The following NECAB2 variants were observed in gnomAD, a reference collection of about 807,000 sequenced individuals.
NECAB2 encodes N-terminal EF-hand calcium binding protein 2, also known as N-terminal EF-hand calcium-binding protein 2.
Under a neutral mutation model 51.9 loss-of-function variants are expected in NECAB2, and 68 were observed. The observed-to-expected ratio is 1.31, with a 90% CI of 1.08 to 1.60. The LOEUF (loss-of-function observed/expected upper bound fraction) is 1.60, where lower values mean the gene tolerates loss of function less well. Ranked by LOEUF, NECAB2 falls within the 40% of genes most tolerant of loss-of-function variation. The pLI, the probability that NECAB2 is intolerant of heterozygous loss-of-function variation, is 0.00. For missense variants in NECAB2, 854 were observed against 490.3 expected, an observed-to-expected ratio of 1.74 and a Z score of -7.00; for synonymous variants, 329 against 203.5, an observed-to-expected ratio of 1.62 and a Z score of -5.25.
rs1314036080 is a variant in NECAB2 at position 83,991,352 on chromosome 16, C to CCTTTT, written c.596+738_596+742dup. 3.5e-5 allele frequency among the ~76,000 whole-genome samples: 5 copies of CCTTTT among 142,146 alleles called. No individual in the cohort carries two copies. The South Asian group carries it at 8.6e-4, about 24-fold the overall frequency. 93.3% of individuals were successfully genotyped at this position (142,146 alleles called of 152,430 possible). On this transcript the variant is annotated intron_variant, in intron 6 of 12. Coordinates refer to ENST00000305202, the MANE Select transcript of NECAB2 (RefSeq NM_019065.3). The stretch of plus-strand genomic sequence containing the variant: ...TTCGTTCTTTTTTCTTTTTCTATTT[C>CCTTTT]CTTTTCTTTTCTTTTCTTTTTTTTT...
At chr16:83,972,652 G>A (rs775153636) in intron 2 of NECAB2, among the ~76,000 whole-genome samples, 8 of 152,214 alleles carry the variant, frequency 5.3e-5, no homozygotes, top group Non-Finnish European at 1.0e-4. Flanking sequence ...GAGAGGTTAA[G>A]CAATTTGCCC....
At chr16:84,001,312 G>A (rs1377456172) in intron 11 of NECAB2, among the ~76,000 whole-genome samples, 1 of 151,922 alleles carries the variant, frequency 6.6e-6, no homozygotes, top group Admixed American at 6.5e-5. Flanking sequence ...TGATGCGCCA[G>A]ACCCCACAGG....
chr16:83,965,253 C>G (rs556056734), upstream of NECAB2: 1 of 1,611,294 alleles, frequency 6.2e-7, no homozygotes, highest in Admixed American at 1.7e-5. Flanking sequence ...GGCTTCCTGA[C>G]CAGGAACCAG....
upstream of NECAB2, among the ~76,000 whole-genome samples, chr16:83,967,518 T>G (rs2151081624): frequency 4.1e-5 from 3 of 73,714 alleles, no homozygotes; most frequent in African/African-American, 5.5e-5. Context: ...GGAGGGAGGA[T>G]GGATGGATGG....
At chr16:84,002,017 G>T in intron 12 of NECAB2, 101 bp downstream of exon 12, 1 of 1,344,482 alleles carries the variant, frequency 7.4e-7, no homozygotes, top group African/African-American at 1.5e-5. Flanking sequence ...CCTGCTTGCT[G>T]TGGGCCCACT....
chr16:83,973,973 C>G (rs1270213248), intron 2 of NECAB2, among the ~76,000 whole-genome samples: 1 of 152,030 alleles, frequency 6.6e-6, no homozygotes, highest in Non-Finnish European at 1.5e-5. Flanking sequence ...TGGTGCCTGG[C>G]CCCCTCGGGC....
intron 3 of NECAB2, among the ~76,000 whole-genome samples, chr16:83,980,039 G>C (rs1046644763): frequency 7.2e-5 from 11 of 152,216 alleles, no homozygotes; most frequent in African/African-American, 1.7e-4. Context: ...CCCGAGTGCA[G>C]ATTCACTGGG....
intron 2 of NECAB2, among the ~76,000 whole-genome samples, chr16:83,975,635 T>G (rs1005060081): frequency 6.6e-5 from 10 of 152,136 alleles, no homozygotes; most frequent in African/African-American, 2.4e-4. Context: ...GCCCAGTCCC[T>G]ATGGGAAGGT....
At chr16:83,972,968 C>T (rs949669800) in intron 2 of NECAB2, among the ~76,000 whole-genome samples, 3 of 152,224 alleles carry the variant, frequency 2.0e-5, no homozygotes, top group Non-Finnish European at 4.4e-5. Flanking sequence ...AAGACAGATT[C>T]CCTCTCTGGG....
At chr16:83,981,191 C>T (rs1016725244) in intron 5 of NECAB2, 64 bp downstream of exon 5, 1 of 1,438,120 alleles carries the variant, frequency 7.0e-7, no homozygotes, top group Non-Finnish European at 9.7e-7. Context: ...CCACCCTTGC[C>T]TAAGGATGCC....
chr16:83,997,586 C>G (rs113697753), intron 9 of NECAB2, among the ~76,000 whole-genome samples: 1 of 139,666 alleles, frequency 7.2e-6, no homozygotes, highest in Non-Finnish European at 1.5e-5. Flanking sequence ...CTCCTGGGTT[C>G]AAGCAATTCT....
intron 1 of NECAB2, 81 bp from the exon 2 acceptor site, chr16:83,972,070 G>A: frequency 6.3e-7 from 1 of 1,578,958 alleles, no homozygotes; most frequent in South Asian, 1.1e-5. Context: ...AGAAGAGAAG[G>A]ATCCCAGTAT....
At chr16:83,972,088 G>C (rs1420199567) in intron 1 of NECAB2, 63 bp from the exon 2 acceptor site, 2 of 1,604,808 alleles carry the variant, frequency 1.2e-6, no homozygotes, top group African/African-American at 2.7e-5. Context: ...TATCCGGTCA[G>C]AGGCTGCAGG....
rs2084852263 is a variant in NECAB2 at position 84,002,252 on chromosome 16, C to T, written c.1133-66C>T. The T allele has an allele frequency of 3.2e-6, 5 of 1,574,988 alleles. No homozygotes were observed. In the East Asian group the frequency reaches 1.1e-4, roughly 35 times the overall value. The stretch of plus-strand genomic sequence containing the variant: ...TCCCCCGACCTGTCATTCAAGACGA[C>T]CACCACCAGCTACGAGGCTGCCCAC... On this transcript the variant is annotated intron_variant, in intron 12 of 12. Coordinates refer to ENST00000305202, the MANE Select transcript of NECAB2 (RefSeq NM_019065.3).
chr16:83,988,295 C>T (rs1361023383), intron 5 of NECAB2, among the ~76,000 whole-genome samples: 1 of 151,894 alleles, frequency 6.6e-6, no homozygotes, highest in East Asian at 1.9e-4. Flanking sequence ...TGGTGGTCTG[C>T]CCTGTTTATA....
At chr16:83,985,772 T>C (rs571667554) in intron 5 of NECAB2, among the ~76,000 whole-genome samples, 2 of 152,360 alleles carry the variant, frequency 1.3e-5, no homozygotes, top group South Asian at 2.1e-4. Context: ...TAAAATTGAA[T>C]GACCAGAAAG....
chr16:83,998,597 ATCAAGTGTGTGAATC>A (rs1398824539), intron 10 of NECAB2, among the ~76,000 whole-genome samples: 2 of 152,100 alleles, frequency 1.3e-5, no homozygotes, highest in Non-Finnish European at 2.9e-5. Context: ...TGCATATACA[ATCAAGTGTGTGAATC>A]TCAAGTGTGA....
chr16:83,977,767 C>T (rs1306303356), intron 2 of NECAB2, among the ~76,000 whole-genome samples: 1 of 152,216 alleles, frequency 6.6e-6, no homozygotes, highest in Non-Finnish European at 1.5e-5. Context: ...GCAGCCATCT[C>T]ATGCTGCCTC....
chr16:83,986,319 A>G (rs930874948), intron 5 of NECAB2, among the ~76,000 whole-genome samples: 1 of 152,210 alleles, frequency 6.6e-6, no homozygotes, highest in African/African-American at 2.4e-5. Context: ...GCCCAGCCCA[A>G]AGATTTTCTC....
Sources: allele counts gnomAD v4.1 joint callset (sites outside exome capture counted in the v4.1 genomes callset), GRCh38; gene constraint gnomAD v4.1.1; transcripts MANE v1.5; gene names NCBI Gene and HGNC (gene_info 2026-07-23, HGNC 2026-07-21).